Variants in SYN3 observed in about 807,000 individuals in gnomAD.
SYN3 encodes the protein synapsin III.
In SYN3, 35 loss-of-function variants were observed where a neutral mutation model predicts 65.8. The observed-to-expected ratio is 0.53, with a 90% confidence interval of 0.41 to 0.70. The LOEUF (loss-of-function observed/expected upper bound fraction) is 0.70. Ranked by LOEUF, SYN3 falls within the 30% of genes least tolerant of loss-of-function variation. The pLI, the probability that SYN3 is intolerant of heterozygous loss-of-function variation, is 0.00. For synonymous variants in SYN3, 270 were observed against 292.9 expected (o/e 0.92, Z 0.80); for missense variants, 680 against 749.0 (o/e 0.91, Z 1.08).
chr22:33,029,809 C>T (rs776319212), intron 1 of SYN3, among the ~76,000 whole-genome samples: 1 of 152,136 alleles, frequency 6.6e-6, no homozygotes, highest in South Asian at 2.1e-4. Context: ...ATTACATCAT[C>T]GAGCCTTGGG....
intron 7 of SYN3, among the ~76,000 whole-genome samples, chr22:32,586,700 G>A (rs952654458): frequency 6.6e-6 from 1 of 152,080 alleles, no homozygotes; most frequent in Non-Finnish European, 1.5e-5. Context: ...TCCGTGAATG[G>A]CCACAAAACT....
At chr22:32,574,452 C>T (rs1473734881) in intron 7 of SYN3, among the ~76,000 whole-genome samples, 2 of 152,128 alleles carry the variant, frequency 1.3e-5, no homozygotes, top group Non-Finnish European at 2.9e-5. Flanking sequence ...GTACTCCAGC[C>T]TGGGCACCAG....
At chr22:32,710,099 A>ACACACATG (rs1555931598) in intron 6 of SYN3, among the ~76,000 whole-genome samples, 8 of 65,632 alleles carry the variant, frequency 1.2e-4, no homozygotes, top group Admixed American at 1.9e-4. Context: ...ACACACACAC[A>ACACACATG]TGTGTGTGTG....
At chr22:32,843,762 C>T (rs189190036) in intron 6 of SYN3, among the ~76,000 whole-genome samples, 2 of 152,306 alleles carry the variant, frequency 1.3e-5, no homozygotes, top group Admixed American at 6.5e-5. Flanking sequence ...ATCAGAAGAG[C>T]AGCCCCTTCC....
At chr22:32,934,894 A>G (rs539891650) in intron 3 of SYN3, among the ~76,000 whole-genome samples, 1 of 152,296 alleles carries the variant, frequency 6.6e-6, no homozygotes, top group South Asian at 2.1e-4. Flanking sequence ...AAGACACAGG[A>G]AAGAAGATCA....
intron 6 of SYN3, among the ~76,000 whole-genome samples, chr22:32,689,185 T>G (rs2060631061): frequency 6.6e-6 from 1 of 152,174 alleles, no homozygotes; most frequent in Admixed American, 6.5e-5. Context: ...ATTGGGCAGC[T>G]GAAAAGTCTA....
intron 6 of SYN3, among the ~76,000 whole-genome samples, chr22:32,814,213 A>G (rs987894772): frequency 3.5e-5 from 5 of 144,760 alleles, no homozygotes; most frequent in African/African-American, 1.3e-4. Flanking sequence ...AAGAAAACAA[A>G]GAAAGGAAAG....
chr22:32,718,994 G>A (rs1380220318), intron 6 of SYN3, among the ~76,000 whole-genome samples: 5 of 152,072 alleles, frequency 3.3e-5, no homozygotes, highest in Non-Finnish European at 7.4e-5. Flanking sequence ...CTTATTCCAG[G>A]AAGTCTTGAC....
At chr22:32,677,409 C>T (rs2060461229) in intron 6 of SYN3, among the ~76,000 whole-genome samples, 1 of 152,156 alleles carries the variant, frequency 6.6e-6, no homozygotes, top group African/African-American at 2.4e-5. Flanking sequence ...ACCATAAATC[C>T]TCATTGGTAG....
At position 32,994,970 on chromosome 22, in the gene SYN3, T is replaced by C. The variant is rs116349351; in HGVS notation, c.311+11382A>G. 2.9e-3 allele frequency among the ~76,000 whole-genome samples: 445 copies of C among 152,318 alleles called. 2 individuals are homozygous for C. Among genetic ancestry groups the C allele is most frequent in the African/African-American group, 0.01 (431 of 41,570 alleles). ...TCCAGTTACCCTTCCAGGAAGATAT[T>C]CCATGACCCTGCCTTCCTGCTGAGG... On this transcript the variant is annotated intron_variant, in intron 2 of 13. Coordinates refer to ENST00000358763, the MANE Select transcript of SYN3 (RefSeq NM_003490.4).
In SYN3 at chr22:32,602,729, A is replaced by G. The variant is rs547468464; in HGVS notation, c.712-5993T>C. On this transcript the variant is annotated intron_variant, in intron 6 of 13. Transcript: ENST00000358763. ...CTTGCCTCGGCCTCCCAAAGTGCTGAGATTACAGGCGTCAGCTACCGCGCC... is the reference window on the plus strand; with the variant it reads ...CTTGCCTCGGCCTCCCAAAGTGCTGGGATTACAGGCGTCAGCTACCGCGCC... Among the ~76,000 whole-genome samples, 24 of 152,202 alleles carry G rather than the reference A, an allele frequency of 1.6e-4. 1 individual carries two copies. The South Asian group carries it at 2.1e-3, about 13-fold the overall frequency.
chr22:32,600,990 T>C (rs2059273995), intron 6 of SYN3, among the ~76,000 whole-genome samples: 1 of 152,160 alleles, frequency 6.6e-6, no homozygotes, highest in African/African-American at 2.4e-5. Context: ...CCCGGCCACT[T>C]AATATGATTT....
Position 32,685,133 on chromosome 22 carries a change from G to A in SYN3, c.712-88397C>T, listed in dbSNP as rs1009843761. ...AAGCAGAAAAGTAACATTATGTCAA[G>A]GGCATTTTCCCATTCTATTTACTGT... On this transcript the variant is annotated intron_variant, in intron 6 of 13. Coordinates refer to ENST00000358763, the MANE Select transcript of SYN3 (RefSeq NM_003490.4). Among the ~76,000 whole-genome samples, 3 of 152,136 alleles carry A rather than the reference G, an allele frequency of 2.0e-5. No homozygotes were observed. In the East Asian group the frequency reaches 5.8e-4, roughly 29 times the overall value.
At chr22:32,975,928 T>C (rs560548352) in intron 3 of SYN3, among the ~76,000 whole-genome samples, 2 of 152,354 alleles carry the variant, frequency 1.3e-5, no homozygotes, top group East Asian at 3.9e-4. Context: ...TTGACAACTG[T>C]TTCTTGAAAT....
chr22:32,849,373 A>G, intron 6 of SYN3: 4 of 1,235,422 alleles, frequency 3.2e-6, no homozygotes, highest in South Asian at 2.5e-5. Context: ...CACAGAGGCT[A>G]GCGTGCCCGC....
chr22:32,789,951 A>G (rs1209692492), intron 6 of SYN3, among the ~76,000 whole-genome samples: 1 of 152,250 alleles, frequency 6.6e-6, no homozygotes, highest in South Asian at 2.1e-4. Flanking sequence ...GCTCTGTGCC[A>G]GGAATTCTGC....
intron 6 of SYN3, among the ~76,000 whole-genome samples, chr22:32,750,424 A>G (rs1040054909): frequency 6.6e-6 from 1 of 152,176 alleles, no homozygotes; most frequent in Non-Finnish European, 1.5e-5. Flanking sequence ...AGGGCTTCAT[A>G]TCTATTAGAG....
intron 3 of SYN3, among the ~76,000 whole-genome samples, chr22:32,960,177 G>C (rs1195911051): frequency 6.6e-6 from 1 of 152,134 alleles, no homozygotes; most frequent in Non-Finnish European, 1.5e-5. Flanking sequence ...GGTTAGCCAA[G>C]ACTTGGAGAT....
chr22:32,966,371 C>T lies in SYN3; in HGVS notation c.369+14274G>A, dbSNP rs117448282. Among the ~76,000 whole-genome samples the T allele has an allele frequency of 2.9e-3, 434 of 152,180 alleles. 1 individual carries two copies. Among genetic ancestry groups the T allele is most frequent in the Non-Finnish European group, 4.3e-3 (290 of 68,004 alleles). On this transcript the variant is annotated intron_variant, in intron 3 of 13. Coordinates refer to ENST00000358763, the MANE Select transcript of SYN3 (RefSeq NM_003490.4). The stretch of plus-strand genomic sequence containing the variant: ...AGATGTGACTCCAAGATGGTATTAC[C>T]ATGGGTGGGCACTGGGGAACCACAG...
Sources: gnomAD v4.1 joint callset for allele counts (sites outside exome capture counted in the v4.1 genomes callset) on GRCh38, gnomAD v4.1.1 for gene constraint, MANE v1.5 for transcripts, NCBI Gene and HGNC (gene_info 2026-07-23, HGNC 2026-07-21) for gene names.